The following MAP3K3 variants were observed in gnomAD, a reference collection of about 807,000 sequenced individuals.
MAP3K3 encodes MAP/ERK kinase kinase 3.
In MAP3K3, 12 loss-of-function variants were observed where a neutral mutation model predicts 80.9. The ratio of observed to expected loss-of-function variants is 0.15; its 90% CI spans 0.10 to 0.24. The LOEUF (loss-of-function observed/expected upper bound fraction) is 0.24, where lower values mean the gene tolerates loss of function less well. Ranked by LOEUF, MAP3K3 falls within the 10% of genes least tolerant of loss-of-function variation. The probability of loss-of-function intolerance (pLI) is 1.00; values close to 1 mark genes in which losing one functional copy is unlikely to be tolerated. For synonymous variants in MAP3K3, 272 were observed against 307.1 expected, an observed-to-expected ratio of 0.89 and a Z score of 1.19; for missense variants, 596 against 834.7, an observed-to-expected ratio of 0.71 and a Z score of 3.52.
intron 3 of MAP3K3, among the ~76,000 whole-genome samples, chr17:63,648,764 G>A (rs573618673): frequency 1.7e-3 from 263 of 152,196 alleles, no homozygotes; most frequent in African/African-American, 5.9e-3. Flanking sequence ...GCAGTGAGCC[G>A]AGTTCGAGCC....
intron 5 of MAP3K3, 29 bp from the exon 6 acceptor site, chr17:63,666,911 A>G (rs2035009754): frequency 6.2e-7 from 1 of 1,611,870 alleles, no homozygotes; most frequent in Non-Finnish European, 8.5e-7. Flanking sequence ...GTAAAGATGT[A>G]GCTTGGCCTT....
At position 63,692,173 on chromosome 17, in the gene MAP3K3, G is replaced by A. The variant is rs1445896013; in HGVS notation, c.1475-69G>A. 1.2e-5 allele frequency: 19 copies of A among 1,568,448 alleles called. No homozygotes were observed. The highest frequency in any genetic ancestry group is 4.5e-5 in the South Asian group (4 of 89,702). The stretch of plus-strand genomic sequence containing the variant: ...CCTCTCCAGCAGCTCTCAGTGACCC[G>A]GGGGTGGGGAGGATGGGAGAAAATG... On this transcript the variant is annotated intron_variant, in intron 14 of 15. Transcript: ENST00000361733. The surrounding 1 kb of genome is among the most constrained non-coding windows in gnomAD (Gnocchi z 4.5).
intron 3 of MAP3K3, among the ~76,000 whole-genome samples, chr17:63,651,022 G>A (rs2034645169): frequency 6.6e-6 from 1 of 151,966 alleles, no homozygotes; most frequent in African/African-American, 2.4e-5. Context: ...GAGAGTATGT[G>A]TGTGTATGAG....
chr17:63,674,708 C>G (rs556230600), intron 6 of MAP3K3, among the ~76,000 whole-genome samples: 1 of 152,156 alleles, frequency 6.6e-6, no homozygotes, highest in African/African-American at 2.4e-5. Context: ...ATAAAGACAG[C>G]TGAAAAGGAG....
At chr17:63,646,179 C>T in intron 3 of MAP3K3, 105 bp downstream of exon 3, 1 of 1,010,886 alleles carries the variant, frequency 9.9e-7, no homozygotes, top group South Asian at 1.3e-5. Flanking sequence ...TGTGGGGCCA[C>T]TGGCTGGGTA....
At chr17:63,667,189 T>A in intron 6 of MAP3K3, 129 bp downstream of exon 6, 4 of 1,000,912 alleles carry the variant, frequency 4.0e-6, no homozygotes, top group South Asian at 2.2e-5. Flanking sequence ...AGTAATCCTT[T>A]ATGCCTTTAT....
chr17:63,657,662 C>T, intron 4 of MAP3K3, 132 bp from the exon 5 acceptor site: 1 of 473,216 alleles, frequency 2.1e-6, no homozygotes, highest in Non-Finnish European at 3.8e-6. Context: ...CTCTTAAGAC[C>T]CCATAGTATC....
intron 5 of MAP3K3, among the ~76,000 whole-genome samples, chr17:63,664,988 C>T (rs888828885): frequency 6.6e-6 from 1 of 151,676 alleles, no homozygotes; most frequent in African/African-American, 2.4e-5. Flanking sequence ...TCCAGAGGTT[C>T]TGTTGATCTG....
chr17:63,637,223 T>G, intron 2 of MAP3K3: 15 of 214,036 alleles, frequency 7.0e-5, no homozygotes, highest in East Asian at 2.1e-4. Context: ...AGTACTGGCC[T>G]AGGAGTCATA....
At chr17:63,667,100 C>G (rs2035015747) in intron 6 of MAP3K3, 40 bp downstream of exon 6, 3 of 1,544,244 alleles carry the variant, frequency 1.9e-6, no homozygotes, top group South Asian at 2.5e-5. Context: ...TCTATTTTAT[C>G]TGCCCACATT....
intron 2 of MAP3K3, among the ~76,000 whole-genome samples, chr17:63,639,638 C>A (rs2034401875): frequency 6.6e-6 from 1 of 152,120 alleles, no homozygotes; most frequent in African/African-American, 2.4e-5. Flanking sequence ...GTACTGATTT[C>A]TCTCCCTGCA....
At chr17:63,635,287 G>A (rs189472790) in intron 2 of MAP3K3, among the ~76,000 whole-genome samples, 34 of 152,252 alleles carry the variant, frequency 2.2e-4, no homozygotes, top group African/African-American at 7.2e-4. Context: ...CACGTCATGA[G>A]TTTCTGTACA....
intron 6 of MAP3K3, among the ~76,000 whole-genome samples, chr17:63,669,772 T>C (rs953851928): frequency 2.0e-5 from 3 of 152,180 alleles, no homozygotes; most frequent in African/African-American, 7.2e-5. Context: ...GTCTTATCTT[T>C]CTTCCATCAT....
intron 3 of MAP3K3, among the ~76,000 whole-genome samples, chr17:63,650,223 A>ATTGATTTT (rs1473006360): frequency 1.3e-5 from 2 of 152,068 alleles, no homozygotes; most frequent in African/African-American, 2.4e-5. Context: ...ATTGTCTTTT[A>ATTGATTTT]TTGATTTTTT....
Position 63,667,016 on chromosome 17 carries a change from C to T in MAP3K3, c.458C>T (p.Thr153Ile), listed in dbSNP as rs2035013394. 4 of 1,612,310 alleles carry T rather than the reference C, an allele frequency of 2.5e-6. No homozygotes were observed. The highest frequency in any genetic ancestry group is 3.4e-6 in the Non-Finnish European group (4 of 1,179,616). Residue 153 changes from threonine to isoleucine, a missense_variant, in exon 6 of 16, where the codon ACT becomes ATT. By Grantham distance (89) the Thr-to-Ile change is moderately conservative (BLOSUM62 -1). Around this residue, in one of 2 missense-constraint regions of MAP3K3, gnomAD observed 232 missense variants for 245.8 expected, o/e 0.94. Coordinates refer to ENST00000361733, the MANE Select transcript of MAP3K3 (RefSeq NM_002401.5). Reference protein sequence around the residue: ...KASQSAGDINTIYQPPEPRSR... With the variant: ...KASQSAGDINIIYQPPEPRSR... ...TCCCAGTCCGCAGGGGATATAAATA[C>T]TATCTACCAGCCCCCCGAGCCCAGA...
chr17:63,669,570 G>A (rs2035063468), intron 6 of MAP3K3, among the ~76,000 whole-genome samples: 5 of 151,558 alleles, frequency 3.3e-5, no homozygotes. Context: ...ATGCGCTCAA[G>A]CAATTCTTCT....
chr17:63,657,839 G>T lies in MAP3K3; in HGVS notation c.313G>T (p.Asp105Tyr). ...CCAAGATGATCTTGATAAAGCAATT[G>T]ACATTTTAGATAGAAGCTCAAGCAT... The part of the protein sequence containing the change: ...KNQDDLDKAI[D>Y]ILDRSSSMKS... The change falls in exon 5 of 16, where the codon GAC (aspartate) becomes TAC (tyrosine). Residue 105 changes from aspartate (D) to tyrosine (Y), a missense_variant. Asp to Tyr is a radical substitution (Grantham distance 160). Around this residue, in one of 2 missense-constraint regions of MAP3K3, gnomAD observed 232 missense variants for 245.8 expected, o/e 0.94. Transcript: ENST00000361733. 1.2e-6 allele frequency: 2 copies of T among 1,608,462 alleles called. No homozygotes were observed. Among genetic ancestry groups the T allele is most frequent in the South Asian group, 2.2e-5 (2 of 90,352 alleles).
At chr17:63,639,820 A>G (rs1053272965) in intron 2 of MAP3K3, among the ~76,000 whole-genome samples, 1 of 152,166 alleles carries the variant, frequency 6.6e-6, no homozygotes, top group East Asian at 1.9e-4. Flanking sequence ...TTATAAAGCA[A>G]CCTTCTTACA....
chr17:63,633,057 G>C (rs943948635), intron 2 of MAP3K3, among the ~76,000 whole-genome samples: 3 of 151,906 alleles, frequency 2.0e-5, no homozygotes, highest in African/African-American at 7.3e-5. Context: ...GTGAAACCCT[G>C]TCCCTACTAA....
Sources: allele counts gnomAD v4.1 joint callset (sites outside exome capture counted in the v4.1 genomes callset), GRCh38; gene constraint gnomAD v4.1.1; regional missense constraint gnomAD v4.1.1; non-coding constraint Gnocchi (gnomAD v3.1); transcripts MANE v1.5; gene names NCBI Gene and HGNC (gene_info 2026-07-23, HGNC 2026-07-21).